EYS: variants seen among roughly 807,000 people sequenced by gnomAD.
EYS encodes protein eyes shut homolog.
EYS carries 250 observed loss-of-function variants against 282.1 expected under a neutral mutation model. That is an observed-to-expected ratio of 0.89 (90% CI 0.80 to 0.98). The LOEUF is 0.98. Among genes scored for constraint, EYS ranks in the 50% least tolerant of loss-of-function variants. The probability of loss-of-function intolerance (pLI) is 0.00; values close to 1 mark genes in which losing one functional copy is unlikely to be tolerated. For missense variants in EYS, 4,016 were observed against 3,709.0 expected, an observed-to-expected ratio of 1.08 and a Z score of -2.15; for synonymous variants, 1,355 against 1,282.9, an observed-to-expected ratio of 1.06 and a Z score of -1.20.
chr6:63,842,803 C>T (rs1771995738), intron 36 of EYS, among the ~76,000 whole-genome samples: 1 of 151,936 alleles, frequency 6.6e-6, no homozygotes, highest in Admixed American at 6.6e-5. Flanking sequence ...AGGAAGGGGT[C>T]CAATTTCAGT....
intron 12 of EYS, among the ~76,000 whole-genome samples, chr6:65,101,509 T>A (rs1467480623): frequency 6.6e-6 from 1 of 151,298 alleles, no homozygotes; most frequent in Non-Finnish European, 1.5e-5. Flanking sequence ...GAATTTTGTT[T>A]ACATACAATA....
chr6:63,844,842 G>T (rs1581885540), intron 36 of EYS, among the ~76,000 whole-genome samples: 1 of 152,098 alleles, frequency 6.6e-6, no homozygotes, highest in Non-Finnish European at 1.5e-5. Flanking sequence ...GTCTTCTGCT[G>T]TGCAGAAGCT....
chr6:64,396,046 A>G (rs1773360762), intron 28 of EYS, among the ~76,000 whole-genome samples: 1 of 152,088 alleles, frequency 6.6e-6, no homozygotes, highest in South Asian at 2.1e-4. Flanking sequence ...CTCCACCACA[A>G]CATACACAAG....
intron 2 of EYS, among the ~76,000 whole-genome samples, chr6:65,516,211 C>A (rs1767129094): frequency 6.6e-6 from 1 of 151,982 alleles, no homozygotes; most frequent in Non-Finnish European, 1.5e-5. Context: ...TATAATGTGA[C>A]AAATTAGTTC....
At chr6:64,307,817 CA>C (rs1769511958) in intron 29 of EYS, among the ~76,000 whole-genome samples, 3 of 24,876 alleles carry the variant, frequency 1.2e-4, no homozygotes, top group Non-Finnish European at 4.4e-4. Context: ...CTCATAACAT[CA>C]TGTATCTCAT....
intron 12 of EYS, among the ~76,000 whole-genome samples, chr6:65,227,687 A>C (rs1454532973): frequency 6.6e-6 from 1 of 152,172 alleles, no homozygotes; most frequent in Non-Finnish European, 1.5e-5. Context: ...CCATACATTG[A>C]TGAATGAATA....
intron 26 of EYS, among the ~76,000 whole-genome samples, chr6:64,569,631 C>T (rs1020427608): frequency 1.3e-4 from 20 of 151,828 alleles, no homozygotes; most frequent in African/African-American, 4.8e-4. Flanking sequence ...GTCCCAGCTA[C>T]TCGTGAGGCT....
chr6:64,644,176 A>G (rs757317576), intron 22 of EYS, among the ~76,000 whole-genome samples: 2 of 152,168 alleles, frequency 1.3e-5, no homozygotes, highest in Non-Finnish European at 2.9e-5. Flanking sequence ...AAGTCATTAT[A>G]TACAAGGGAG....
chr6:65,073,940 G>C (rs35173399), intron 12 of EYS, among the ~76,000 whole-genome samples: 79,570 of 151,690 alleles, frequency 0.52, 21,370 homozygotes, highest in African/African-American at 0.61. Context: ...CTCTGAAAAT[G>C]AGGAGATTGG....
At chr6:65,518,829 T>C (rs1029532107) in intron 2 of EYS, among the ~76,000 whole-genome samples, 3 of 152,064 alleles carry the variant, frequency 2.0e-5, no homozygotes, top group Non-Finnish European at 4.4e-5. Context: ...TGCAGTCCCC[T>C]TTACACAACA....
At chr6:64,072,581 T>A (rs1361796950) in intron 32 of EYS, among the ~76,000 whole-genome samples, 1 of 151,848 alleles carries the variant, frequency 6.6e-6, no homozygotes, top group East Asian at 1.9e-4. Flanking sequence ...CCAGCACTTG[T>A]GTGTTTTTCT....
chr6:64,120,860 C>T (rs1020277440), intron 31 of EYS, among the ~76,000 whole-genome samples: 3 of 152,160 alleles, frequency 2.0e-5, no homozygotes, highest in African/African-American at 7.2e-5. Flanking sequence ...TTTCTAGGCC[C>T]ATTATCTAGG....
chr6:64,974,464 C>A (rs1270668018), intron 14 of EYS, among the ~76,000 whole-genome samples: 1 of 149,794 alleles, frequency 6.7e-6, no homozygotes, highest in Non-Finnish European at 1.5e-5. Flanking sequence ...TAGTAATGGC[C>A]TCCAGGAATC....
intron 28 of EYS, among the ~76,000 whole-genome samples, chr6:64,405,903 A>G (rs1473411980): frequency 3.9e-5 from 6 of 152,284 alleles, no homozygotes; most frequent in Admixed American, 2.0e-4. Flanking sequence ...TATAATTTCA[A>G]TGCTATTCCC....
chr6:65,238,646 G>A (rs1481443758), intron 12 of EYS, among the ~76,000 whole-genome samples: 1 of 151,898 alleles, frequency 6.6e-6, no homozygotes, highest in Non-Finnish European at 1.5e-5. Flanking sequence ...TTGCTATTAT[G>A]ACTAACATGA....
At chr6:64,294,595 C>G (rs1256396730) in intron 30 of EYS, among the ~76,000 whole-genome samples, 4 of 152,084 alleles carry the variant, frequency 2.6e-5, no homozygotes, top group African/African-American at 7.2e-5. Flanking sequence ...GTAAACGGAG[C>G]CACCAGACAA....
In EYS at chr6:63,826,860, AAAAAG is replaced by A. The variant is rs1399743855; in HGVS notation, c.7229-20493_7229-20489del. 1.0e-2 allele frequency among the ~76,000 whole-genome samples: 1,502 copies of A among 150,458 alleles called. 24 individuals carry two copies. Among genetic ancestry groups the A allele is most frequent in the African/African-American group, 0.035 (1,444 of 40,716 alleles). On this transcript the variant is annotated intron_variant, in intron 36 of 42. Coordinates refer to ENST00000503581, the MANE Select transcript of EYS (RefSeq NM_001142800.2). Reference sequence around the variant, plus strand: ...AGTTAAAAAGCAAAAAAAAAAAAAAAAAAAGGACAAAAACAAAAAAAAAATACATA... The same window carrying A: ...AGTTAAAAAGCAAAAAAAAAAAAAAAGACAAAAACAAAAAAAAAATACATA...
At chr6:65,351,453 G>A (rs538089490) in intron 9 of EYS, among the ~76,000 whole-genome samples, 13 of 151,668 alleles carry the variant, frequency 8.6e-5, no homozygotes, top group African/African-American at 2.9e-4. Context: ...ACATATATTT[G>A]TTATTTTACT....
chr6:65,402,478 C>A lies in EYS; in HGVS notation c.1184G>T (p.Ser395Ile). 2.7e-6 allele frequency: 4 copies of A among 1,492,580 alleles called. No individual in the cohort carries two copies. The highest frequency in any genetic ancestry group is 3.7e-6 in the Non-Finnish European group (4 of 1,071,298). The allele number at this position is 1,492,580 out of a possible 1,614,324, so 92.5% of individuals were successfully genotyped here. The change falls in exon 7 of 43, where the codon AGC (serine) becomes ATC (isoleucine). Residue 395 changes from serine (S) to isoleucine (I), a missense_variant and splice_region_variant. Physicochemically the swap from Ser to Ile is moderately radical, Grantham distance 142 (BLOSUM62 -2). Coordinates refer to ENST00000503581, the MANE Select transcript of EYS (RefSeq NM_001142800.2). Reference protein sequence around the residue: ...CKKCEKDYPCSCISGFTEKNC... With the variant: ...CKKCEKDYPCICISGFTEKNC... ...AAAATAAACAGAAAATTAATTATAC[C>A]TGCAAGGATAATCTTTCTCACATTT...
Sources: allele counts gnomAD v4.1 joint callset (sites outside exome capture counted in the v4.1 genomes callset), GRCh38; gene constraint gnomAD v4.1.1; transcripts MANE v1.5; gene names NCBI Gene and HGNC (gene_info 2026-07-23, HGNC 2026-07-21).